C1orf105: variants seen among roughly 807,000 people sequenced by gnomAD.
The protein encoded by C1orf105 is chromosome 1 open reading frame 105, also known as uncharacterized protein C1orf105.
C1orf105 carries 17 observed loss-of-function variants against 20.8 expected under a neutral mutation model. The observed-to-expected ratio is 0.82, with a 90% CI of 0.56 to 1.23. C1orf105 has a LOEUF of 1.23. C1orf105 is among the 50% of genes most tolerant of loss of function. The pLI is 0.00. For missense variants in C1orf105, 219 were observed against 213.5 expected (o/e 1.03, Z -0.16); for synonymous variants, 72 against 72.1 (o/e 1.00, Z 0.01).
chr1:172,441,397 T>A, intron 1 of C1orf105: 2 of 197,088 alleles, frequency 1.0e-5, no homozygotes, highest in Non-Finnish European at 2.0e-5. Flanking sequence ...ACACACTTAC[T>A]TCACTCTTCA....
intron 1 of C1orf105, among the ~76,000 whole-genome samples, chr1:172,429,844 A>G (rs1410658560): frequency 6.6e-6 from 1 of 152,134 alleles, no homozygotes; most frequent in Non-Finnish European, 1.5e-5. Flanking sequence ...CTGTCATCCT[A>G]TTGCTCTACT....
intron 4 of C1orf105, among the ~76,000 whole-genome samples, chr1:172,457,408 T>C (rs1315133089): frequency 6.6e-6 from 1 of 152,234 alleles, no homozygotes; most frequent in Admixed American, 6.5e-5. Flanking sequence ...GCTCCTTCAC[T>C]GAGTTCATGG....
At chr1:172,455,256 A>C (rs1649114508) in intron 3 of C1orf105, among the ~76,000 whole-genome samples, 1 of 152,188 alleles carries the variant, frequency 6.6e-6, no homozygotes, top group Admixed American at 6.5e-5. Flanking sequence ...TCACAGGATG[A>C]AGCTACTTGC....
intron 1 of C1orf105, 44 bp downstream of exon 1, chr1:172,420,950 G>C (rs951689544): frequency 1.6e-5 from 25 of 1,552,316 alleles, no homozygotes; most frequent in Non-Finnish European, 2.1e-5. Flanking sequence ...TCCTTATGGG[G>C]TTACCCTGGT....
chr1:172,433,322 T>C (rs574156051), intron 1 of C1orf105, among the ~76,000 whole-genome samples: 3 of 151,940 alleles, frequency 2.0e-5, no homozygotes, highest in Admixed American at 2.0e-4. Flanking sequence ...AAGGTTGACA[T>C]GAAGGAAAAA....
At chr1:172,465,157 TG>T in intron 5 of C1orf105, 141 bp from the exon 6 acceptor site, 1 of 289,194 alleles carries the variant, frequency 3.5e-6, no homozygotes, top group Non-Finnish European at 5.8e-6. Context: ...CACTCCAGCC[TG>T]GGCAACAAGC....
chr1:172,458,502 A>T lies in C1orf105; in HGVS notation c.273+2013A>T, dbSNP rs1219256402. On this transcript the variant is annotated intron_variant, in intron 4 of 6. Coordinates refer to ENST00000367727, the MANE Select transcript of C1orf105 (RefSeq NM_139240.4). ...GGAATAAATTTAACACGAGAAGCAC[A>T]AGAGCTATACAATGAAAAGTATAAA... 3.3e-5 allele frequency among the ~76,000 whole-genome samples: 5 copies of T among 152,204 alleles called. No homozygotes were observed. In the East Asian group the frequency reaches 9.6e-4, roughly 29 times the overall value.
At chr1:172,445,211 T>C in intron 2 of C1orf105, 53 bp downstream of exon 2, 20 of 1,403,862 alleles carry the variant, frequency 1.4e-5, no homozygotes, top group Non-Finnish European at 2.0e-5. Context: ...TCACAGAAGA[T>C]GATTTCTTCT....
chr1:172,443,574 A>G (rs1647581909), intron 1 of C1orf105: 1 of 167,106 alleles, frequency 6.0e-6, no homozygotes, highest in Admixed American at 6.5e-5. Flanking sequence ...TTTCACAATG[A>G]GAAAACTAAG....
chr1:172,468,579 GACA>G lies in C1orf105; in HGVS notation c.540_542del (p.Thr181del). The G allele has an allele frequency of 6.2e-7, 1 of 1,613,560 alleles. No individual in the cohort carries two copies. Among genetic ancestry groups the G allele is most frequent in the East Asian group, 2.2e-5 (1 of 44,858 alleles). On this transcript the variant is annotated inframe_deletion, in exon 7 of 7. Coordinates refer to ENST00000367727, the MANE Select transcript of C1orf105 (RefSeq NM_139240.4). ...TGCCCAGAAAGGAACCAATAGGCAA[GACA>G]ACGAGGCAGTGAGCGGTAGGAGCTC...
intron 3 of C1orf105, 88 bp downstream of exon 3, chr1:172,448,619 C>G: frequency 6.6e-6 from 5 of 758,610 alleles, no homozygotes; most frequent in Non-Finnish European, 1.2e-5. Context: ...CTTAGCACAG[C>G]CCTGTGCTTG....
intron 1 of C1orf105, chr1:172,431,190 A>C (rs1023175119): frequency 9.2e-6 from 4 of 435,160 alleles, no homozygotes; most frequent in South Asian, 6.1e-5. Flanking sequence ...CTTAGTGAAG[A>C]AGGCATATCA....
At chr1:172,440,051 C>T (rs2072170476) in intron 1 of C1orf105, among the ~76,000 whole-genome samples, 1 of 152,012 alleles carries the variant, frequency 6.6e-6, no homozygotes, top group African/African-American at 2.4e-5. Flanking sequence ...TTCATCTGTC[C>T]AAATAAAACT....
chr1:172,451,101 A>T (rs1280918592), intron 3 of C1orf105: 1 of 152,366 alleles, frequency 6.6e-6, no homozygotes, highest in Admixed American at 6.5e-5. Flanking sequence ...CAGTGATCCA[A>T]GGCAAAGGAA....
intron 1 of C1orf105, among the ~76,000 whole-genome samples, chr1:172,431,982 T>A (rs144377136): frequency 1.6e-3 from 250 of 152,370 alleles, no homozygotes; most frequent in Non-Finnish European, 2.5e-3. Context: ...GGGGCCTTGC[T>A]CACTGTAGCA....
intron 1 of C1orf105, among the ~76,000 whole-genome samples, chr1:172,433,821 G>C (rs1297195415): frequency 6.6e-6 from 1 of 152,138 alleles, no homozygotes. Context: ...ATTGGATAAA[G>C]AGTCAAGACC....
intron 3 of C1orf105, chr1:172,452,724 G>A (rs1211214274): frequency 1.0e-6 from 1 of 959,076 alleles, no homozygotes; most frequent in African/African-American, 1.8e-5. Flanking sequence ...GGGACTGGCT[G>A]AAATCTGCAT....
intron 5 of C1orf105, among the ~76,000 whole-genome samples, chr1:172,462,902 A>T (rs140494733): frequency 1.3e-3 from 193 of 151,696 alleles, no homozygotes; most frequent in Non-Finnish European, 2.2e-3. Context: ...CTTCCCAAAT[A>T]GCTGCGATTA....
chr1:172,468,652 A>T lies in C1orf105; in HGVS notation c.*58A>T, dbSNP rs941080882. ...GAGAGAAAATAACCTCGCCAAGCCA[A>T]TCTTTGACACTGGCACCTTCTCCTC... On this transcript the variant is annotated 3_prime_UTR_variant, in exon 7 of 7. Coordinates refer to ENST00000367727, the MANE Select transcript of C1orf105 (RefSeq NM_139240.4). 6 of 1,533,148 alleles carry T rather than the reference A, an allele frequency of 3.9e-6. No individual in the cohort carries two copies. The South Asian group carries it at 7.4e-5, about 19-fold the overall frequency. The allele number at this position is 1,533,148 out of a possible 1,614,324, so 95.0% of individuals were successfully genotyped here.
Sources: gnomAD v4.1 joint callset for allele counts (sites outside exome capture counted in the v4.1 genomes callset) on GRCh38, gnomAD v4.1.1 for gene constraint, MANE v1.5 for transcripts, NCBI Gene and HGNC (gene_info 2026-07-23, HGNC 2026-07-21) for gene names.